The following PDE1C variants were observed in gnomAD, a reference collection of about 807,000 sequenced individuals.
PDE1C encodes the protein phosphodiesterase 1C.
Under a neutral mutation model 93.1 loss-of-function variants are expected in PDE1C, and 62 were observed. The ratio of observed to expected loss-of-function variants is 0.67; its 90% CI spans 0.54 to 0.82. The LOEUF (loss-of-function observed/expected upper bound fraction) is 0.82. Among genes scored for constraint, PDE1C ranks in the 40% least tolerant of loss-of-function variants. The pLI is 0.00. For missense variants in PDE1C, 742 were observed against 884.6 expected (o/e 0.84, Z 2.04); for synonymous variants, 325 against 310.1 (o/e 1.05, Z -0.50).
At chr7:32,223,837 C>T (rs1359954188) in intron 1 of PDE1C, among the ~76,000 whole-genome samples, 1 of 152,176 alleles carries the variant, frequency 6.6e-6, no homozygotes, top group African/African-American at 2.4e-5. Context: ...CTTGTCCTAT[C>T]CTGTAACATT....
At chr7:31,837,051 C>G in intron 11 of PDE1C, 129 bp downstream of exon 11, 1 of 779,164 alleles carries the variant, frequency 1.3e-6, no homozygotes, top group East Asian at 2.9e-5. Flanking sequence ...GCAAAATAAT[C>G]TGTGGAGCCC....
chr7:32,229,348 ACAT>A (rs1305087861), intron 1 of PDE1C, among the ~76,000 whole-genome samples: 1 of 152,202 alleles, frequency 6.6e-6, no homozygotes, highest in Non-Finnish European at 1.5e-5. Context: ...AGCACTTGTC[ACAT>A]CATAGTCAAC....
intron 1 of PDE1C, among the ~76,000 whole-genome samples, chr7:32,308,477 C>A (rs1813076662): frequency 6.6e-6 from 1 of 152,146 alleles, no homozygotes; most frequent in African/African-American, 2.4e-5. Context: ...CTGGGAGGCA[C>A]CCCCCAGTAG....
the PDE1C span, among the ~76,000 whole-genome samples, chr7:31,638,957 G>A: frequency 0.8 from 121,255 of 151,922 alleles, 48,539 homozygotes; most frequent in African/African-American, 0.85. Context: ...TGTATTTTTT[G>A]GTAGACACGG....
At chr7:32,037,470 G>A (rs890909518) in intron 2 of PDE1C, among the ~76,000 whole-genome samples, 2 of 152,042 alleles carry the variant, frequency 1.3e-5, no homozygotes, top group Admixed American at 1.3e-4. Context: ...TAACAAAAGC[G>A]GTGATAAAAA....
At chr7:32,391,596 T>TA (rs1219889464) in intron 1 of PDE1C, among the ~76,000 whole-genome samples, 1 of 152,128 alleles carries the variant, frequency 6.6e-6, no homozygotes, top group Non-Finnish European at 1.5e-5. Context: ...TGCTAGGGCA[T>TA]AAAAAAATCA....
At chr7:31,665,347 T>C in the PDE1C span, among the ~76,000 whole-genome samples, 1 of 152,214 alleles carries the variant, frequency 6.6e-6, no homozygotes, top group African/African-American at 2.4e-5. Context: ...TCCTATTTTG[T>C]TTCTTTCATA....
At chr7:32,102,642 G>A (rs892620238) in intron 3 of PDE1C, among the ~76,000 whole-genome samples, 1 of 152,228 alleles carries the variant, frequency 6.6e-6, no homozygotes, top group African/African-American at 2.4e-5. Flanking sequence ...TGGGAGGTCT[G>A]GAGTGACAAC....
At chr7:31,642,180 C>T in the PDE1C span, 7 of 1,558,548 alleles carry the variant, frequency 4.5e-6, no homozygotes, top group Non-Finnish European at 6.1e-6. Context: ...CTGCAGGTGC[C>T]AGGGTGGACA....
the PDE1C span, chr7:31,651,391 C>A: frequency 8.6e-7 from 1 of 1,169,584 alleles, no homozygotes; most frequent in Non-Finnish European, 1.1e-6. Context: ...GCCAGCTTTT[C>A]CTTTGCTTTC....
intron 1 of PDE1C, among the ~76,000 whole-genome samples, chr7:32,237,104 T>C (rs948078975): frequency 2.5e-4 from 30 of 118,388 alleles, no homozygotes; most frequent in African/African-American, 7.8e-4. Context: ...TTTTTTTTTT[T>C]AAGATGGAGT....
At chr7:32,389,508 C>T (rs1482184897) in intron 1 of PDE1C, among the ~76,000 whole-genome samples, 5 of 152,322 alleles carry the variant, frequency 3.3e-5, no homozygotes, top group East Asian at 1.9e-4. Context: ...TGAGCCACCA[C>T]GCCCAGCCTG....
intron 1 of PDE1C, among the ~76,000 whole-genome samples, chr7:32,323,521 C>G (rs1783342318): frequency 6.6e-6 from 1 of 152,102 alleles, no homozygotes; most frequent in Non-Finnish European, 1.5e-5. Flanking sequence ...CTTGGGGACT[C>G]AGAAAGGAGA....
intron 1 of PDE1C, among the ~76,000 whole-genome samples, chr7:32,067,708 A>G (rs923976175): frequency 2.0e-5 from 3 of 152,220 alleles, no homozygotes; most frequent in African/African-American, 4.8e-5. Flanking sequence ...CTGTGCCCCA[A>G]CCTGGGCAAT....
intron 3 of PDE1C, among the ~76,000 whole-genome samples, chr7:32,126,042 G>T (rs1450303481): frequency 1.3e-5 from 2 of 152,058 alleles, no homozygotes; most frequent in Admixed American, 1.3e-4. Context: ...TGACCATGAA[G>T]AAGTTTACTT....
chr7:32,025,592 C>G (rs1212957787), intron 2 of PDE1C, among the ~76,000 whole-genome samples: 1 of 152,128 alleles, frequency 6.6e-6, no homozygotes, highest in East Asian at 1.9e-4. Flanking sequence ...GTGAGAGCAG[C>G]AGCTCTGAGC....
the PDE1C span, among the ~76,000 whole-genome samples, chr7:31,709,810 C>T: frequency 6.6e-6 from 1 of 152,118 alleles, no homozygotes; most frequent in African/African-American, 2.4e-5. Flanking sequence ...AAATAGTTCT[C>T]AGAGCATTGT....
chr7:31,643,585 G>A, the PDE1C span: 2 of 1,614,040 alleles, frequency 1.2e-6, no homozygotes, highest in South Asian at 1.1e-5. Context: ...AGAATGCACT[G>A]TGTGTGATCC....
intron 1 of PDE1C, among the ~76,000 whole-genome samples, chr7:32,282,485 A>AATAGATAGCTAGATAGCTAGATAGATAG (rs376678996): frequency 7.6e-5 from 11 of 143,860 alleles, no homozygotes; most frequent in East Asian, 2.1e-4. Context: ...TCAAAAAAAA[A>AATAGATAGCTAGATAGCTAGATAGATAG]ATAGATAGAT....
Sources: allele counts gnomAD v4.1 joint callset (sites outside exome capture counted in the v4.1 genomes callset), GRCh38; gene constraint gnomAD v4.1.1; transcripts MANE v1.5; gene names NCBI Gene and HGNC (gene_info 2026-07-23, HGNC 2026-07-21).